Variants in RTL4 observed in about 807,000 individuals in gnomAD.
RTL4 encodes retrotransposon Gag-like protein 4.
RTL4 carries 4 observed loss-of-function variants against 5.3 expected under a neutral mutation model. The ratio of observed to expected loss-of-function variants is 0.75; its 90% CI spans 0.37 to 1.72. The LOEUF (loss-of-function observed/expected upper bound fraction) is 1.72. Among genes scored for constraint, RTL4 ranks in the 40% most tolerant of loss-of-function variants. RTL4 has a pLI of 0.04. For synonymous variants in RTL4, 98 were observed against 87.3 expected (o/e 1.12, Z -0.68); for missense variants, 260 against 227.1 (o/e 1.14, Z -0.93).
the RTL4 span, among the ~76,000 whole-genome samples, chrX:112,412,243 T>C: frequency 9.0e-6 from 1 of 111,583 alleles, no homozygotes; most frequent in Admixed American, 9.5e-5. Context: ...TGTTTATGGA[T>C]TGGAAGAATC....
chrX:112,323,269 C>A, the RTL4 span, among the ~76,000 whole-genome samples: 1 of 110,690 alleles, frequency 9.0e-6, no homozygotes, highest in Non-Finnish European at 1.9e-5. Context: ...TGTCTGTTAG[C>A]TTTTTTGGAT....
the RTL4 span, among the ~76,000 whole-genome samples, chrX:112,247,534 T>A: frequency 1.8e-5 from 2 of 112,046 alleles, no homozygotes; most frequent in Non-Finnish European, 3.8e-5. Flanking sequence ...CTATGATGAG[T>A]TCATTGGGTG....
At chrX:112,169,012 CTT>C in the RTL4 span, among the ~76,000 whole-genome samples, 5 of 69,275 alleles carry the variant, frequency 7.2e-5, no homozygotes, top group African/African-American at 1.7e-4. Context: ...TCCTTTCTTT[CTT>C]TCTTTCTCTT....
chrX:112,379,062 C>T, the RTL4 span, among the ~76,000 whole-genome samples: 1 of 112,282 alleles, frequency 8.9e-6, no homozygotes, highest in Non-Finnish European at 1.9e-5. Context: ...ACGTGTGATC[C>T]CACATGTATT....
the RTL4 span, among the ~76,000 whole-genome samples, chrX:112,153,698 CTAGA>C: frequency 2.7e-5 from 3 of 111,250 alleles, no homozygotes; most frequent in African/African-American, 9.8e-5. Flanking sequence ...ATAGAATGAC[CTAGA>C]TAATCCCAAA....
the RTL4 span, among the ~76,000 whole-genome samples, chrX:112,421,966 C>A: frequency 9.0e-6 from 1 of 111,503 alleles, no homozygotes; most frequent in Non-Finnish European, 1.9e-5. Context: ...TTAATGCATA[C>A]AATAAAGAGA....
the RTL4 span, among the ~76,000 whole-genome samples, chrX:112,434,412 C>A: frequency 9.0e-6 from 1 of 111,366 alleles, no homozygotes; most frequent in Non-Finnish European, 1.9e-5. Flanking sequence ...AATTTCAGAG[C>A]CTGTTATTGG....
chrX:112,321,302 C>T, the RTL4 span, among the ~76,000 whole-genome samples: 1 of 111,284 alleles, frequency 9.0e-6, no homozygotes, highest in Non-Finnish European at 1.9e-5. Context: ...CTTGGGGAGG[C>T]CAAGGTGGGC....
the RTL4 span, among the ~76,000 whole-genome samples, chrX:112,270,163 C>T: frequency 8.9e-6 from 1 of 112,094 alleles, no homozygotes; most frequent in Non-Finnish European, 1.9e-5. Context: ...CAATCACATC[C>T]ATTGAGGTCA....
chrX:112,203,056 C>A, the RTL4 span, among the ~76,000 whole-genome samples: 1 of 111,237 alleles, frequency 9.0e-6, no homozygotes, highest in Non-Finnish European at 1.9e-5. Flanking sequence ...TTATCCTCTG[C>A]ATATCTTTTT....
the RTL4 span, among the ~76,000 whole-genome samples, chrX:112,415,472 A>AT: frequency 2.7e-5 from 3 of 109,325 alleles, no homozygotes; most frequent in African/African-American, 3.4e-5. Flanking sequence ...GATATATGAC[A>AT]TTTTTTTTAC....
chrX:112,139,029 C>G, the RTL4 span, among the ~76,000 whole-genome samples: 1 of 111,683 alleles, frequency 9.0e-6, no homozygotes, highest in East Asian at 2.8e-4. Flanking sequence ...CTCAATCTCT[C>G]ATGTTTCTCA....
At chrX:112,294,548 G>A in the RTL4 span, among the ~76,000 whole-genome samples, 2 of 111,419 alleles carry the variant, frequency 1.8e-5, no homozygotes, top group African/African-American at 6.5e-5. Flanking sequence ...GCAGTGAGCC[G>A]AGATCATGCT....
At chrX:112,405,059 G>A in the RTL4 span, among the ~76,000 whole-genome samples, 2 of 111,053 alleles carry the variant, frequency 1.8e-5, no homozygotes, top group Non-Finnish European at 3.8e-5. Context: ...TTTAAGAAAC[G>A]ATCATCTATG....
At chrX:112,289,133 G>A in the RTL4 span, among the ~76,000 whole-genome samples, 1 of 111,989 alleles carries the variant, frequency 8.9e-6, no homozygotes, top group African/African-American at 3.2e-5. Flanking sequence ...AAGTACGAAG[G>A]GACTGAAGTA....
At chrX:112,432,857 G>T in the RTL4 span, among the ~76,000 whole-genome samples, 6 of 111,577 alleles carry the variant, frequency 5.4e-5, no homozygotes, top group Non-Finnish European at 1.1e-4. Flanking sequence ...GGGTTTTTAT[G>T]GTTTTAAGTC....
At chrX:112,174,203 G>T in the RTL4 span, among the ~76,000 whole-genome samples, 1 of 102,020 alleles carries the variant, frequency 9.8e-6, no homozygotes, top group Non-Finnish European at 2.0e-5. Flanking sequence ...CTAGCATTAG[G>T]TATATCTCCC....
At chrX:112,230,479 G>T in the RTL4 span, among the ~76,000 whole-genome samples, 1 of 112,241 alleles carries the variant, frequency 8.9e-6, no homozygotes, top group Non-Finnish European at 1.9e-5. Flanking sequence ...GCGCTTCCCG[G>T]GTGAGGCAAT....
chrX:112,317,130 A>C, the RTL4 span, among the ~76,000 whole-genome samples: 1 of 111,280 alleles, frequency 9.0e-6, no homozygotes, highest in Admixed American at 9.6e-5. Flanking sequence ...AAAATAAACA[A>C]GGGAGTTCAA....
Sources: gnomAD v4.1 joint callset for allele counts (sites outside exome capture counted in the v4.1 genomes callset) on GRCh38, gnomAD v4.1.1 for gene constraint, MANE v1.5 for transcripts, NCBI Gene and HGNC (gene_info 2026-07-23, HGNC 2026-07-21) for gene names.